ZBTB44: variants seen among roughly 807,000 people sequenced by gnomAD.
ZBTB44 encodes the protein zinc finger and BTB domain containing 44, also known as zinc finger and BTB domain-containing protein 44.
Under a neutral mutation model 54.0 loss-of-function variants are expected in ZBTB44, and 15 were observed. The observed-to-expected ratio is 0.28, with a 90% CI of 0.19 to 0.43. ZBTB44 has a LOEUF of 0.43. Ranked by LOEUF, ZBTB44 falls within the 20% of genes least tolerant of loss-of-function variation. ZBTB44 has a pLI of 1.00. For synonymous variants in ZBTB44, 230 were observed against 250.1 expected (o/e 0.92, Z 0.76); for missense variants, 487 against 707.1 (o/e 0.69, Z 3.53).
At chr11:130,256,128 G>A (rs936869266) in intron 2 of ZBTB44, among the ~76,000 whole-genome samples, 2 of 152,020 alleles carry the variant, frequency 1.3e-5, no homozygotes, top group African/African-American at 4.8e-5. Context: ...ACCTGGCAGA[G>A]GCACAACACA....
At chr11:130,243,275 T>A (rs760298148) in intron 2 of ZBTB44, among the ~76,000 whole-genome samples, 2 of 152,262 alleles carry the variant, frequency 1.3e-5, no homozygotes, top group Non-Finnish European at 2.9e-5. Flanking sequence ...CTTGTTTTCT[T>A]GAGTGCTCTG....
chr11:130,272,046 A>G, intron 1 of ZBTB44, among the ~76,000 whole-genome samples: 1 of 152,052 alleles, frequency 6.6e-6, no homozygotes, highest in East Asian at 1.9e-4. Flanking sequence ...CCTGGCCAAT[A>G]TGGTGAAGCC....
At chr11:130,247,064 C>G (rs1937609993) in intron 2 of ZBTB44, among the ~76,000 whole-genome samples, 1 of 152,192 alleles carries the variant, frequency 6.6e-6, no homozygotes, top group Admixed American at 6.5e-5. Flanking sequence ...GCAAACCTCA[C>G]TTCCTTGAAC....
intron 1 of ZBTB44, among the ~76,000 whole-genome samples, chr11:130,289,705 G>C (rs1941191878): frequency 6.6e-6 from 1 of 152,160 alleles, no homozygotes; most frequent in Non-Finnish European, 1.5e-5. Flanking sequence ...AGGAGAGCCA[G>C]CCTAAGGATG....
chr11:130,279,230 G>A (rs1940333252), intron 1 of ZBTB44, among the ~76,000 whole-genome samples: 1 of 147,452 alleles, frequency 6.8e-6, no homozygotes, highest in African/African-American at 2.5e-5. Flanking sequence ...TACGCCCACA[G>A]TCACCCTGGA....
rs570009337 is a variant in ZBTB44, at chr11:130,230,912, T to G, written c.*852A>C. 1.5e-4 allele frequency: 23 copies of G among 152,196 alleles called. No homozygotes were observed. The highest frequency in any genetic ancestry group is 4.8e-4 in the African/African-American group (20 of 41,566). The allele number at this position is 152,196 out of a possible 1,614,324, so 9.4% of individuals were successfully genotyped here. On this transcript the variant is annotated 3_prime_UTR_variant, in exon 8 of 8. Coordinates refer to ENST00000357899, the MANE Select transcript of ZBTB44 (RefSeq NM_001301098.2). Reference sequence around the variant, plus strand: ...AAGTACATCACACCTATTTGGTAGTTAAAAAACTGAAAATAAAAGCTTGTA... The same window carrying G: ...AAGTACATCACACCTATTTGGTAGTGAAAAAACTGAAAATAAAAGCTTGTA...
intron 1 of ZBTB44, among the ~76,000 whole-genome samples, chr11:130,265,027 C>T (rs567980658): frequency 6.6e-6 from 1 of 151,998 alleles, no homozygotes; most frequent in South Asian, 2.1e-4. Flanking sequence ...TTTTGGGGTA[C>T]CACAAACTGC....
chr11:130,298,840 C>G (rs959524305), intron 1 of ZBTB44, among the ~76,000 whole-genome samples: 22 of 151,766 alleles, frequency 1.4e-4, no homozygotes, highest in African/African-American at 5.3e-4. Context: ...CAGACACACA[C>G]ACACACACAC....
chr11:130,311,417 C>T (rs1385517507), intron 1 of ZBTB44, among the ~76,000 whole-genome samples: 1 of 152,070 alleles, frequency 6.6e-6, no homozygotes, highest in Non-Finnish European at 1.5e-5. Context: ...TCATGTTGCC[C>T]AGGCTGGCCT....
In ZBTB44 at chr11:130,233,604, C is replaced by A. The variant is rs971806150; in HGVS notation, c.1687-222G>T. The A allele has an allele frequency of 8.4e-6, 11 of 1,308,216 alleles. No homozygotes were observed. The Admixed American group carries it at 4.1e-4, about 49-fold the overall frequency. 81.0% of individuals were successfully genotyped at this position (1,308,216 alleles called of 1,614,324 possible). On this transcript the variant is annotated intron_variant, in intron 6 of 7. Coordinates refer to ENST00000357899, the MANE Select transcript of ZBTB44 (RefSeq NM_001301098.2). ...GTAAGTATCTACTCAGGCCATTTGT[C>A]AAGCTGTTTAGTAATTAGTTTCTCA...
Position 130,262,034 on chromosome 11 carries a change from T to C in ZBTB44, c.-56-105A>G, listed in dbSNP as rs550701276. On this transcript the variant is annotated intron_variant, in intron 1 of 7. Coordinates refer to ENST00000357899, the MANE Select transcript of ZBTB44 (RefSeq NM_001301098.2). ...TGTACTAAATTAAAAAGCTGAAAGA[T>C]GGTAGTGACAGAGAAACTTCAAGGT... 295 of 854,026 alleles carry C rather than the reference T, an allele frequency of 3.5e-4. 2 individuals are homozygous for C. The highest frequency in any genetic ancestry group is 1.0e-3 in the Admixed American group (33 of 33,134). The allele number at this position is 854,026 out of a possible 1,614,324, so 52.9% of individuals were successfully genotyped here.
In ZBTB44 at chr11:130,260,920, C is replaced by G. The variant is rs1938817021; in HGVS notation, c.954G>C (p.Gln318His). 6.2e-7 allele frequency: 1 copy of G among 1,613,888 alleles called. No homozygotes were observed. The change falls in exon 2 of 8, where the codon CAG (glutamine) becomes CAC (histidine). Residue 318 changes from glutamine (Q) to histidine (H), a missense_variant. Gln to His is a conservative substitution (Grantham distance 24, BLOSUM62 0). Around this residue, in one of 3 missense-constraint regions of ZBTB44, gnomAD observed 277 missense variants for 306.5 expected, o/e 0.90. Coordinates refer to ENST00000357899, the MANE Select transcript of ZBTB44 (RefSeq NM_001301098.2). ...SASQSSLSDQQTVPGSEQVQE... is the reference protein window; with the variant it reads ...SASQSSLSDQHTVPGSEQVQE... The stretch of plus-strand genomic sequence containing the variant: ...GGACTTGTTCACTTCCTGGAACTGT[C>G]TGCTGATCACTCAGCGAACTCTGAG...
chr11:130,283,708 G>A (rs931257250), intron 1 of ZBTB44, among the ~76,000 whole-genome samples: 21 of 151,950 alleles, frequency 1.4e-4, no homozygotes, highest in Non-Finnish European at 1.5e-5. Context: ...GCTCATGCCT[G>A]TAATCCCAGC....
chr11:130,301,719 G>T (rs564112273), intron 1 of ZBTB44, among the ~76,000 whole-genome samples: 1 of 152,130 alleles, frequency 6.6e-6, no homozygotes, highest in African/African-American at 2.4e-5. Flanking sequence ...AAGAGGCACT[G>T]AAGACCCAAC....
At chr11:130,301,618 T>C (rs958913304) in intron 1 of ZBTB44, among the ~76,000 whole-genome samples, 2 of 152,156 alleles carry the variant, frequency 1.3e-5, no homozygotes, top group Non-Finnish European at 2.9e-5. Flanking sequence ...GAGCAGAGAC[T>C]GTGCCATTGC....
chr11:130,284,694 C>T (rs1452022884), intron 1 of ZBTB44, among the ~76,000 whole-genome samples: 2 of 152,108 alleles, frequency 1.3e-5, no homozygotes, highest in African/African-American at 4.8e-5. Context: ...TGGAGAAACA[C>T]CGTCTCTACT....
In ZBTB44 at chr11:130,236,995, G is replaced by A. The variant is rs767954193; in HGVS notation, c.1366C>T (p.Arg456Trp). ...AAAGTGGCACTACATATCTGGCACCGGAAACAGCGTTTACCTTCATGCTTT... is the reference window on the plus strand; with the variant it reads ...AAAGTGGCACTACATATCTGGCACCAGAAACAGCGTTTACCTTCATGCTTT... ...RLKHEGKRCF[R>W]CQICSATFTS... The change falls in exon 5 of 8, where the codon CGG becomes TGG. Residue 456 changes from arginine to tryptophan, a missense_variant. Coordinates refer to ENST00000357899, the MANE Select transcript of ZBTB44 (RefSeq NM_001301098.2). 1.6e-5 allele frequency: 25 copies of A among 1,611,848 alleles called. No individual in the cohort carries two copies. Among genetic ancestry groups the A allele is most frequent in the East Asian group, 2.2e-5 (1 of 44,648 alleles).
chr11:130,268,219 ATT>A (rs1939400421), intron 1 of ZBTB44, among the ~76,000 whole-genome samples: 2 of 150,324 alleles, frequency 1.3e-5, no homozygotes, highest in African/African-American at 2.5e-5. Flanking sequence ...CCCACGTCTA[ATT>A]TAAAAAAAAA....
chr11:130,297,008 T>C, intron 1 of ZBTB44: 1 of 732,868 alleles, frequency 1.4e-6, no homozygotes, highest in South Asian at 1.5e-5. Context: ...CCAAAATCTT[T>C]AAACACATTA....
Sources: allele counts gnomAD v4.1 joint callset (sites outside exome capture counted in the v4.1 genomes callset), GRCh38; gene constraint gnomAD v4.1.1; regional missense constraint gnomAD v4.1.1; transcripts MANE v1.5; gene names NCBI Gene and HGNC (gene_info 2026-07-23, HGNC 2026-07-21).